QKI: variants seen among roughly 807,000 people sequenced by gnomAD.
The protein encoded by QKI is KH domain-containing RNA-binding protein QKI.
QKI carries 10 observed loss-of-function variants against 39.0 expected under a neutral mutation model. That is an observed-to-expected ratio of 0.26 (90% confidence interval 0.16 to 0.43). The LOEUF (loss-of-function observed/expected upper bound fraction) is 0.43, where lower values mean the gene tolerates loss of function less well. Ranked by LOEUF, QKI falls within the 20% of genes least tolerant of loss-of-function variation. The pLI, the probability that QKI is intolerant of heterozygous loss-of-function variation, is 1.00. For missense variants in QKI, 218 were observed against 428.0 expected, an observed-to-expected ratio of 0.51 and a Z score of 4.33; for synonymous variants, 204 against 155.4, an observed-to-expected ratio of 1.31 and a Z score of -2.33.
At chr6:163,499,968 T>A (rs1778650435) in intron 3 of QKI, among the ~76,000 whole-genome samples, 1 of 152,078 alleles carries the variant, frequency 6.6e-6, no homozygotes, top group Non-Finnish European at 1.5e-5. Flanking sequence ...GGAGGGCCAA[T>A]GAAGGACTCT....
intron 1 of QKI, among the ~76,000 whole-genome samples, chr6:163,434,165 A>C (rs2128212127): frequency 6.6e-6 from 1 of 152,246 alleles, no homozygotes; most frequent in Admixed American, 6.5e-5. Context: ...ACACAATGGC[A>C]TGGAGAGTAA....
intron 2 of QKI, among the ~76,000 whole-genome samples, chr6:163,470,148 C>G (rs894249487): frequency 6.6e-6 from 1 of 152,078 alleles, no homozygotes; most frequent in Non-Finnish European, 1.5e-5. Flanking sequence ...TGGGGGATCT[C>G]TTTTTCTGCT....
chr6:163,522,738 C>G (rs1026636626), intron 3 of QKI, among the ~76,000 whole-genome samples: 2 of 152,148 alleles, frequency 1.3e-5, no homozygotes, highest in African/African-American at 4.8e-5. Flanking sequence ...ATAGCTCTTC[C>G]ATACACACAT....
At chr6:163,570,340 C>G (rs1350385678) in intron 7 of QKI, 2 of 983,242 alleles carry the variant, frequency 2.0e-6, no homozygotes, top group Non-Finnish European at 2.4e-6. Context: ...TTTAAAAATT[C>G]TGTATACCAA....
At chr6:163,515,697 A>G (rs556621887) in intron 3 of QKI, among the ~76,000 whole-genome samples, 2 of 152,306 alleles carry the variant, frequency 1.3e-5, no homozygotes, top group South Asian at 4.1e-4. Flanking sequence ...ATATAATGAT[A>G]TGGCGATAGG....
At chr6:163,547,542 C>T (rs971849180) in intron 4 of QKI, among the ~76,000 whole-genome samples, 7 of 152,206 alleles carry the variant, frequency 4.6e-5, no homozygotes, top group Non-Finnish European at 8.8e-5. Context: ...CATTCAACAC[C>T]TCCATGCGGG....
chr6:163,441,835 G>C (rs979475921), intron 1 of QKI, among the ~76,000 whole-genome samples: 1 of 152,180 alleles, frequency 6.6e-6, no homozygotes, highest in African/African-American at 2.4e-5. Flanking sequence ...GCCAGGGACG[G>C]AGGTTAGGTT....
chr6:163,445,565 C>T (rs1455754965), intron 1 of QKI, among the ~76,000 whole-genome samples: 2 of 151,382 alleles, frequency 1.3e-5, no homozygotes, highest in Non-Finnish European at 2.9e-5. Context: ...AACAATCACA[C>T]ACAAGCGCTG....
intron 3 of QKI, among the ~76,000 whole-genome samples, chr6:163,510,476 G>A (rs1779379724): frequency 6.6e-6 from 1 of 151,536 alleles, no homozygotes; most frequent in South Asian, 2.1e-4. Flanking sequence ...CAGGAGAATT[G>A]CTTCAACTCG....
intron 6 of QKI, chr6:163,566,491 A>G: frequency 8.1e-6 from 11 of 1,351,468 alleles, no homozygotes; most frequent in Non-Finnish European, 1.0e-5. Flanking sequence ...TTGTAAATGA[A>G]TGGATACAAT....
intron 2 of QKI, among the ~76,000 whole-genome samples, chr6:163,474,337 A>C (rs2128224060): frequency 6.6e-6 from 1 of 152,280 alleles, no homozygotes; most frequent in East Asian, 1.9e-4. Context: ...TAGCAAGAAA[A>C]AGAAATAAAA....
intron 7 of QKI, chr6:163,569,972 A>G: frequency 1.0e-6 from 1 of 986,394 alleles, no homozygotes; most frequent in Non-Finnish European, 1.2e-6. Flanking sequence ...TAGTATTTTC[A>G]ACTGGAAAGT....
At chr6:163,447,649 T>A (rs1349160587) in intron 1 of QKI, among the ~76,000 whole-genome samples, 1 of 152,172 alleles carries the variant, frequency 6.6e-6, no homozygotes, top group African/African-American at 2.4e-5. Flanking sequence ...TTGTTTTTTC[T>A]TTTTATTTTG....
chr6:163,481,848 G>A (rs1168013919), intron 3 of QKI, among the ~76,000 whole-genome samples: 1 of 152,130 alleles, frequency 6.6e-6, no homozygotes, highest in Non-Finnish European at 1.5e-5. Flanking sequence ...GCCTTGGGGA[G>A]GTTGAGTAAT....
At chr6:163,520,018 C>A (rs895179406) in intron 3 of QKI, among the ~76,000 whole-genome samples, 2 of 152,092 alleles carry the variant, frequency 1.3e-5, no homozygotes, top group Non-Finnish European at 2.9e-5. Context: ...AAAATACTTT[C>A]TTGTCACCAG....
At chr6:163,522,493 T>C (rs1780224443) in intron 3 of QKI, among the ~76,000 whole-genome samples, 1 of 152,038 alleles carries the variant, frequency 6.6e-6, no homozygotes, top group Non-Finnish European at 1.5e-5. Context: ...GGTTATGGAG[T>C]GTGGGGAGAG....
At chr6:163,520,566 C>T (rs1158201784) in intron 3 of QKI, among the ~76,000 whole-genome samples, 1 of 152,050 alleles carries the variant, frequency 6.6e-6, no homozygotes, top group Admixed American at 6.6e-5. Flanking sequence ...AAGAATTATC[C>T]TATTTTAGCT....
At chr6:163,535,905 C>G (rs191274051) in intron 4 of QKI, among the ~76,000 whole-genome samples, 80 of 152,234 alleles carry the variant, frequency 5.3e-4, no homozygotes, top group Non-Finnish European at 9.9e-4. Context: ...ATACTCCAGC[C>G]TGGGTGACAG....
chr6:163,549,822 T>C (rs1056745995), intron 4 of QKI, among the ~76,000 whole-genome samples: 13 of 152,256 alleles, frequency 8.5e-5, no homozygotes, highest in Non-Finnish European at 1.9e-4. Flanking sequence ...TTTGTTATTC[T>C]CTACCTCTTA....
Sources: allele counts gnomAD v4.1 joint callset (sites outside exome capture counted in the v4.1 genomes callset), GRCh38; gene constraint gnomAD v4.1.1; transcripts MANE v1.5; gene names NCBI Gene and HGNC (gene_info 2026-07-23, HGNC 2026-07-21).